The following IL6ST variants were observed in gnomAD, a reference collection of about 807,000 sequenced individuals.
IL6ST encodes interleukin 6 cytokine family signal transducer, also known as interleukin-6 receptor subunit beta.
IL6ST carries 24 observed loss-of-function variants against 91.3 expected under a neutral mutation model. The ratio of observed to expected loss-of-function variants is 0.26; its 90% CI spans 0.19 to 0.37. The LOEUF (loss-of-function observed/expected upper bound fraction) is 0.37. IL6ST is among the 10% of genes least tolerant of loss of function. IL6ST has a pLI of 1.00. For missense variants in IL6ST, 914 were observed against 1,078.5 expected (o/e 0.85, Z 2.14); for synonymous variants, 351 against 373.6 (o/e 0.94, Z 0.70).
chr5:55,993,652 TTC>T (rs1449557388), intron 1 of IL6ST, among the ~76,000 whole-genome samples: 1 of 152,248 alleles, frequency 6.6e-6, no homozygotes, highest in Non-Finnish European at 1.5e-5. Context: ...TGTAATTTTT[TTC>T]TTTCACTCAA....
At chr5:55,953,371 A>C (rs1751759916) in intron 11 of IL6ST, among the ~76,000 whole-genome samples, 1 of 152,228 alleles carries the variant, frequency 6.6e-6, no homozygotes, top group African/African-American at 2.4e-5. Context: ...CCCAAACTTA[A>C]TGTCTCCACA....
intron 7 of IL6ST, 75 bp downstream of exon 7, chr5:55,963,277 G>A: frequency 9.5e-7 from 1 of 1,050,968 alleles, no homozygotes; most frequent in East Asian, 2.5e-5. Context: ...AAGACATTTA[G>A]AAAATGACTG....
chr5:55,985,766 G>C (rs1364365743), intron 1 of IL6ST, among the ~76,000 whole-genome samples: 2 of 152,192 alleles, frequency 1.3e-5, no homozygotes, highest in East Asian at 3.8e-4. Context: ...ACAGGTGTGG[G>C]TCTATTTGGC....
At chr5:55,973,313 G>T (rs936148337) in intron 3 of IL6ST, among the ~76,000 whole-genome samples, 1 of 152,140 alleles carries the variant, frequency 6.6e-6, no homozygotes, top group African/African-American at 2.4e-5. Context: ...AAGAGGTGGG[G>T]ACTGCATTTC....
intron 1 of IL6ST, among the ~76,000 whole-genome samples, chr5:55,983,961 T>C (rs755300699): frequency 3.9e-5 from 6 of 152,092 alleles, no homozygotes; most frequent in Admixed American, 6.6e-5. Flanking sequence ...CACCTCCTCA[T>C]AGAGATCTTC....
rs558841440 is a variant in IL6ST, at chr5:55,939,890, AATG to A, written c.*1189_*1191del. The stretch of plus-strand genomic sequence containing the variant: ...TCTCTTTATTAAGTGTCTCTACAAT[AATG>A]ATATTTGCTAAGAACAAGATGTACA... On this transcript the variant is annotated 3_prime_UTR_variant, in exon 17 of 17. Coordinates refer to ENST00000381298, the MANE Select transcript of IL6ST (RefSeq NM_002184.4). The A allele has an allele frequency of 1.7e-4, 35 of 204,222 alleles. No homozygotes were observed. The highest frequency in any genetic ancestry group is 2.5e-4 in the Non-Finnish European group (25 of 99,532). The allele number at this position is 204,222 out of a possible 1,614,324, so 12.7% of individuals were successfully genotyped here. A position where few individuals can be genotyped will look rare whatever the true frequency, so the allele number is the denominator to read the frequency against.
intron 1 of IL6ST, among the ~76,000 whole-genome samples, chr5:55,992,773 C>A (rs1246712674): frequency 6.6e-6 from 1 of 152,170 alleles, no homozygotes; most frequent in South Asian, 2.1e-4. Flanking sequence ...TTTGCTCATT[C>A]CAATCCTTAA....
rs1303504578 is a variant in IL6ST at position 55,938,672 on chromosome 5, T to G, written c.*2410A>C. The G allele has an allele frequency of 1.5e-5, 3 of 197,014 alleles. No homozygotes were observed. Among genetic ancestry groups the G allele is most frequent in the Non-Finnish European group, 3.2e-5 (3 of 94,934 alleles). The allele number at this position is 197,014 out of a possible 1,614,324, so 12.2% of individuals were successfully genotyped here. ...TTTTACATAAATAACCAGATTTCTT[T>G]GCCTACCTAAAGTACAATTTACATG... On this transcript the variant is annotated 3_prime_UTR_variant, in exon 17 of 17. Transcript: ENST00000381298.
Position 55,952,056 on chromosome 5 carries a change from A to G in IL6ST, c.1572T>C (p.Thr524=). 1 of 1,613,464 alleles carries G rather than the reference A, an allele frequency of 6.2e-7. No homozygotes were observed. Among genetic ancestry groups the G allele is most frequent in the Non-Finnish European group, 8.5e-7 (1 of 1,179,800 alleles). ...TTTTCCCTACTTTTTTTGTCCGAAC[A>G]GTAGGTCCTTTGGAAGGTGCTGTAA... ...LKQAPPSKGP[T]VRTKKVGKNE... Residue 524 remains threonine (T), a synonymous_variant, in exon 13 of 17, where the codon ACT becomes ACC. Coordinates refer to ENST00000381298, the MANE Select transcript of IL6ST (RefSeq NM_002184.4).
In IL6ST at chr5:55,939,189, A is replaced by G. The variant is rs1262887185; in HGVS notation, c.*1893T>C. ...AATCCAGCCCAGCCTTTGATGATCA[A>G]CTTAAAAGCTGGAGATGTCATTATC... On this transcript the variant is annotated 3_prime_UTR_variant, in exon 17 of 17. Transcript: ENST00000381298. 3.3e-5 allele frequency: 7 copies of G among 213,936 alleles called. No individual in the cohort carries two copies. The highest frequency in any genetic ancestry group is 7.0e-5 in the East Asian group (1 of 14,338). 13.3% of individuals were successfully genotyped at this position (213,936 alleles called of 1,614,324 possible).
intron 3 of IL6ST, among the ~76,000 whole-genome samples, chr5:55,970,814 T>C (rs1752917774): frequency 1.3e-5 from 2 of 152,026 alleles, no homozygotes; most frequent in Middle Eastern, 3.4e-3. Flanking sequence ...GGCTGAGGCA[T>C]GAGAATCACC....
rs1383268484 is a variant in IL6ST at position 55,940,715 on chromosome 5, T to G, written c.*367A>C. On this transcript the variant is annotated 3_prime_UTR_variant, in exon 17 of 17. Transcript: ENST00000381298. ...TGATGACTATTCTAATCAAAATCAG[T>G]ATAGCTGTGCTCACTAAGCATATCA... is the stretch of plus-strand genomic sequence containing the variant. 4 of 261,178 alleles carry G rather than the reference T, an allele frequency of 1.5e-5. No individual in the cohort carries two copies. Among genetic ancestry groups the G allele is most frequent in the Non-Finnish European group, 3.0e-5 (4 of 135,120 alleles). 16.2% of individuals were successfully genotyped at this position (261,178 alleles called of 1,614,324 possible).
At chr5:55,955,844 C>G (rs1355551797) in intron 10 of IL6ST, 181 bp downstream of exon 10, 3 of 376,184 alleles carry the variant, frequency 8.0e-6, no homozygotes, top group Non-Finnish European at 9.3e-6. Flanking sequence ...TGGCGAGACC[C>G]AGTCTCTGAA....
chr5:55,951,434 GA>G (rs747775407), intron 14 of IL6ST, 29 bp downstream of exon 14: 12 of 1,572,868 alleles, frequency 7.6e-6, no homozygotes, highest in Non-Finnish European at 9.6e-6. Flanking sequence ...GTTTGAGAAA[GA>G]AAAAAAACCA....
Position 55,982,729 on chromosome 5 carries a change from T to A in IL6ST, c.-21A>T, listed in dbSNP as rs1753735881. The A allele has an allele frequency of 5.0e-6, 2 of 398,210 alleles. No individual in the cohort carries two copies. Among genetic ancestry groups the A allele is most frequent in the South Asian group, 1.3e-4 (1 of 7,860 alleles). The allele number at this position is 398,210 out of a possible 1,614,324, so 24.7% of individuals were successfully genotyped here. On this transcript the variant is annotated 5_prime_UTR_variant, in exon 2 of 17. The change abolishes the stop of an existing upstream ORF in the 5' untranslated region. Transcript: ENST00000381298. The stretch of plus-strand genomic sequence containing the variant: ...AGACAAGATCAATTACTTACCCAAA[T>A]CACAAAATTAGTAAGTGAAGGAGTA...
Position 55,952,011 on chromosome 5 carries a change from C to T in IL6ST, c.1617G>A (p.Trp539Ter). 2 of 1,608,704 alleles carry T rather than the reference C, an allele frequency of 1.2e-6. No homozygotes were observed. The highest frequency in any genetic ancestry group is 1.7e-6 in the Non-Finnish European group (2 of 1,175,360). The part of the protein sequence containing the change: ...KVGKNEAVLE[W>*]DQLPVDVQNG... The stretch of plus-strand genomic sequence containing the variant: ...TCTGAACATCAACAGGAAGTTGGTC[C>T]CACTCTAAGACAGCTTCGTTTTTCC... The change falls in exon 13 of 17, where the codon TGG becomes TGA. Residue 539 changes from tryptophan to a stop codon, truncating the protein, a stop_gained. Transcript: ENST00000381298. LOFTEE classifies it high-confidence loss of function.
At chr5:55,981,815 T>C (rs1265228520) in intron 2 of IL6ST, among the ~76,000 whole-genome samples, 1 of 152,182 alleles carries the variant, frequency 6.6e-6, no homozygotes, top group East Asian at 1.9e-4. Context: ...TACACTAACC[T>C]TCCTTGAAAT....
chr5:55,992,455 CTA>C (rs1754388749), intron 1 of IL6ST, among the ~76,000 whole-genome samples: 1 of 152,012 alleles, frequency 6.6e-6, no homozygotes, highest in Non-Finnish European at 1.5e-5. Context: ...CTGGGTTTCC[CTA>C]TGTGTAAAAA....
chr5:55,955,528 C>T (rs1481830961), intron 10 of IL6ST, among the ~76,000 whole-genome samples: 1 of 152,128 alleles, frequency 6.6e-6, no homozygotes, highest in Non-Finnish European at 1.5e-5. Flanking sequence ...TTGAAAGCTA[C>T]GAATAAAGCT....
Sources: gnomAD v4.1 joint callset for allele counts (sites outside exome capture counted in the v4.1 genomes callset) on GRCh38, gnomAD v4.1.1 for gene constraint, MANE v1.5 for transcripts, NCBI Gene and HGNC (gene_info 2026-07-23, HGNC 2026-07-21) for gene names.